SHISA9: variants seen among roughly 807,000 people sequenced by gnomAD.
SHISA9 encodes the protein shisa family member 9, also known as protein shisa-9.
Under a neutral mutation model 38.0 loss-of-function variants are expected in SHISA9, and 13 were observed. The ratio of observed to expected loss-of-function variants is 0.34; its 90% CI spans 0.22 to 0.54. The LOEUF is 0.54. Ranked by LOEUF, SHISA9 falls within the 20% of genes least tolerant of loss-of-function variation. The pLI, the probability that SHISA9 is intolerant of heterozygous loss-of-function variation, is 0.91. For missense variants in SHISA9, 538 were observed against 575.8 expected, an observed-to-expected ratio of 0.93 and a Z score of 0.67; for synonymous variants, 275 against 242.0, an observed-to-expected ratio of 1.14 and a Z score of -1.27.
At chr16:13,112,245 T>C (rs1048183091) in intron 2 of SHISA9, among the ~76,000 whole-genome samples, 3 of 152,098 alleles carry the variant, frequency 2.0e-5, no homozygotes, top group African/African-American at 7.2e-5. Flanking sequence ...TTTGGTGTTT[T>C]AGTTAATAAG....
intron 3 of SHISA9, among the ~76,000 whole-genome samples, chr16:13,206,017 G>A (rs2051060467): frequency 6.6e-6 from 1 of 151,250 alleles, no homozygotes; most frequent in South Asian, 2.1e-4. Flanking sequence ...TTCCCAGCTT[G>A]GCCTCCCAAA....
chr16:13,213,948 C>T (rs1223602307), intron 4 of SHISA9, among the ~76,000 whole-genome samples: 1 of 152,102 alleles, frequency 6.6e-6, no homozygotes, highest in Non-Finnish European at 1.5e-5. Context: ...TAGGCATTGT[C>T]ATCTGCATTT....
intron 2 of SHISA9, among the ~76,000 whole-genome samples, chr16:13,069,211 C>G (rs1178744543): frequency 6.6e-6 from 1 of 150,714 alleles, no homozygotes; most frequent in African/African-American, 2.4e-5. Flanking sequence ...TACATGCATG[C>G]AATGTGTGTA....
intron 4 of SHISA9, among the ~76,000 whole-genome samples, chr16:13,226,426 A>G (rs115817667): frequency 2.6e-5 from 4 of 152,332 alleles, no homozygotes; most frequent in African/African-American, 7.2e-5. Context: ...ATAGGCATGA[A>G]TGATATAATC....
chr16:13,403,608 G>T, the SHISA9 span, among the ~76,000 whole-genome samples: 1,442 of 152,298 alleles, frequency 9.5e-3, 32 homozygotes, highest in African/African-American at 0.033. Context: ...AAGCAGCACT[G>T]AATCACAGTA....
chr16:12,960,902 T>C (rs1025559860), intron 2 of SHISA9, among the ~76,000 whole-genome samples: 1 of 152,084 alleles, frequency 6.6e-6, no homozygotes, highest in African/African-American at 2.4e-5. Flanking sequence ...GGGGACTCAG[T>C]GATGAATTAA....
At chr16:13,450,586 C>G in the SHISA9 span, among the ~76,000 whole-genome samples, 33 of 152,322 alleles carry the variant, frequency 2.2e-4, no homozygotes, top group Non-Finnish European at 1.3e-4. Flanking sequence ...CTGCTATATG[C>G]AGACACAATT....
chr16:12,961,697 A>G (rs1271603116), intron 2 of SHISA9, among the ~76,000 whole-genome samples: 1 of 152,218 alleles, frequency 6.6e-6, no homozygotes, highest in Non-Finnish European at 1.5e-5. Context: ...CACAGAGCCC[A>G]TTCCCCTGCC....
the SHISA9 span, among the ~76,000 whole-genome samples, chr16:13,461,114 A>T: frequency 5.3e-5 from 8 of 152,164 alleles, no homozygotes; most frequent in Non-Finnish European, 1.2e-4. Context: ...CCTTGCAGAG[A>T]TGGCAATAAT....
chr16:13,021,549 A>G (rs901533440), intron 2 of SHISA9, among the ~76,000 whole-genome samples: 3 of 152,166 alleles, frequency 2.0e-5, no homozygotes, highest in Admixed American at 2.0e-4. Flanking sequence ...CATGTACCTG[A>G]CTCAGAACAA....
intron 2 of SHISA9, among the ~76,000 whole-genome samples, chr16:13,184,668 T>C (rs907252776): frequency 3.3e-5 from 5 of 152,238 alleles, no homozygotes; most frequent in Middle Eastern, 6.3e-3. Context: ...TCTGTCCCTA[T>C]AATTTTGTCT....
the SHISA9 span, among the ~76,000 whole-genome samples, chr16:13,355,801 G>C: frequency 2.0e-5 from 3 of 152,306 alleles, no homozygotes; most frequent in African/African-American, 7.2e-5. Context: ...GGTCTAGGGG[G>C]CTTCCGAGGC....
At chr16:13,043,530 G>T (rs8056891) in intron 2 of SHISA9, among the ~76,000 whole-genome samples, 1 of 152,016 alleles carries the variant, frequency 6.6e-6, no homozygotes, top group Non-Finnish European at 1.5e-5. Context: ...TGCAAAACAC[G>T]TTATATTAAT....
chr16:13,523,146 G>A, the SHISA9 span, among the ~76,000 whole-genome samples: 1 of 152,138 alleles, frequency 6.6e-6, no homozygotes, highest in Non-Finnish European at 1.5e-5. Context: ...TCAGGAGTTT[G>A]AGACCAGACT....
chr16:13,425,634 C>T, the SHISA9 span, among the ~76,000 whole-genome samples: 3 of 152,096 alleles, frequency 2.0e-5, no homozygotes, highest in African/African-American at 7.2e-5. Context: ...GCAATACACT[C>T]GTGAAACAAA....
At chr16:13,361,127 A>G in the SHISA9 span, among the ~76,000 whole-genome samples, 1 of 152,082 alleles carries the variant, frequency 6.6e-6, no homozygotes. Flanking sequence ...CATTTCCCAT[A>G]CTCATGGATG....
At chr16:13,397,978 G>A in the SHISA9 span, among the ~76,000 whole-genome samples, 1 of 152,198 alleles carries the variant, frequency 6.6e-6, no homozygotes. Flanking sequence ...TTTCCCTGGA[G>A]TCAGGCCTCT....
the SHISA9 span, among the ~76,000 whole-genome samples, chr16:13,433,446 T>A: frequency 6.6e-6 from 1 of 152,232 alleles, no homozygotes; most frequent in Non-Finnish European, 1.5e-5. Flanking sequence ...TGCTATTATC[T>A]CTATGTGCAT....
At chr16:13,482,156 G>A in the SHISA9 span, among the ~76,000 whole-genome samples, 42 of 152,204 alleles carry the variant, frequency 2.8e-4, no homozygotes, top group Non-Finnish European at 5.7e-4. Context: ...TTCAACCATT[G>A]GGAGGCATCA....
Sources: gnomAD v4.1 joint callset for allele counts (sites outside exome capture counted in the v4.1 genomes callset) on GRCh38, gnomAD v4.1.1 for gene constraint, MANE v1.5 for transcripts, NCBI Gene and HGNC (gene_info 2026-07-23, HGNC 2026-07-21) for gene names.